CBLL1: variants seen among roughly 807,000 people sequenced by gnomAD.
The protein encoded by CBLL1 is Cbl proto-oncogene like 1, also known as E3 ubiquitin-protein ligase Hakai.
CBLL1 carries 4 observed loss-of-function variants against 44.9 expected under a neutral mutation model. The observed-to-expected ratio is 0.09, with a 90% CI of 0.04 to 0.20. CBLL1 has a LOEUF of 0.20. Ranked by LOEUF, CBLL1 falls within the 10% of genes least tolerant of loss-of-function variation. The probability of loss-of-function intolerance (pLI) is 1.00; values close to 1 mark genes in which losing one functional copy is unlikely to be tolerated. For missense variants in CBLL1, 569 were observed against 636.7 expected, an observed-to-expected ratio of 0.89 and a Z score of 1.14; for synonymous variants, 235 against 202.2, an observed-to-expected ratio of 1.16 and a Z score of -1.38.
In CBLL1 at chr7:107,761,130, C is replaced by T. The variant is rs2115751362; in HGVS notation, c.*1952C>T. The T allele has an allele frequency of 6.6e-6, 1 of 152,204 alleles. No homozygotes were observed. Among genetic ancestry groups the T allele is most frequent in the Non-Finnish European group, 1.5e-5 (1 of 67,852 alleles). 9.4% of individuals were successfully genotyped at this position (152,204 alleles called of 1,614,324 possible). ...TATTAAAATATTACTGTTAAAAATC[C>T]AAACCATTCTTTGTTCCATGTAATA... On this transcript the variant is annotated 3_prime_UTR_variant, in exon 6 of 6. Transcript: ENST00000440859.
rs776041592 is a variant in CBLL1, at chr7:107,761,584, A to G, written c.*2406A>G. The G allele has an allele frequency of 2.6e-5, 4 of 152,158 alleles. No homozygotes were observed. The highest frequency in any genetic ancestry group is 7.2e-5 in the African/African-American group (3 of 41,434). The allele number at this position is 152,158 out of a possible 1,614,324, so 9.4% of individuals were successfully genotyped here. A position where few individuals can be genotyped will look rare whatever the true frequency, so the allele number is the denominator to read the frequency against. ...ATGGACATAAGTCTAAATTAAATGTATGTATGTTTCATTATATTGCTCTTA... is the reference window on the plus strand; with the variant it reads ...ATGGACATAAGTCTAAATTAAATGTGTGTATGTTTCATTATATTGCTCTTA... On this transcript the variant is annotated 3_prime_UTR_variant, in exon 6 of 6. Transcript: ENST00000440859.
intron 1 of CBLL1, among the ~76,000 whole-genome samples, chr7:107,746,410 AT>A (rs66769467): frequency 0.44 from 66,619 of 151,832 alleles, 14,736 homozygotes; most frequent in East Asian, 0.62. Flanking sequence ...TACCTATTTT[AT>A]TTTTTTTAAA....
chr7:107,752,334 CTT>C (rs961286598), intron 2 of CBLL1, among the ~76,000 whole-genome samples: 2 of 151,954 alleles, frequency 1.3e-5, no homozygotes. Flanking sequence ...AGCATCCTGA[CTT>C]TGGATTATAC....
At chr7:107,752,612 C>T (rs1793355751) in intron 2 of CBLL1, 2 of 1,282,550 alleles carry the variant, frequency 1.6e-6, no homozygotes, top group South Asian at 1.2e-5. Flanking sequence ...CTCAGCTTTA[C>T]TTTAGGTAAT....
rs1315783944 is a variant in CBLL1 at position 107,758,763 on chromosome 7, C to G, written c.1061C>G (p.Pro354Arg). 1 of 1,613,718 alleles carries G rather than the reference C, an allele frequency of 6.2e-7. No homozygotes were observed. Among genetic ancestry groups the G allele is most frequent in the Admixed American group, 1.7e-5 (1 of 59,992 alleles). Residue 354 changes from proline (P) to arginine (R), a missense_variant, in exon 6 of 6, where the codon CCA (proline) becomes CGA (arginine). This residue lies in a region of CBLL1 where 228 missense variants were observed against 253.2 expected (regional missense o/e 0.90). Transcript: ENST00000440859. This position sits in a 1 kb window ranked among gnomAD's most constrained non-coding sequence, Gnocchi z 4.2. The part of the protein sequence containing the change: ...PPPPPPPISH[P>R]MPHPPQAAGT... ...CCTCCTCCACCACCAATAAGCCATC[C>G]AATGCCACATCCTCCCCAGGCTGCA...
rs2115601742 is a variant in CBLL1 at position 107,748,238 on chromosome 7, C to CT, written c.14-641dup. 1.3e-5 allele frequency among the ~76,000 whole-genome samples: 2 copies of CT among 152,222 alleles called. 1 individual carries two copies. Among genetic ancestry groups the CT allele is most frequent in the South Asian group, 4.2e-4 (2 of 4,814 alleles). On this transcript the variant is annotated intron_variant, in intron 1 of 5. Transcript: ENST00000440859. ...TTATAATTTTCCATTACAGTGCTGACTAAGAACTCAGTCACATGTTATAGC... is the reference window on the plus strand; with the variant it reads ...TTATAATTTTCCATTACAGTGCTGACTTAAGAACTCAGTCACATGTTATAGC...
intron 1 of CBLL1, 29 bp from the exon 2 acceptor site, chr7:107,748,851 G>T (rs781179281): frequency 1.3e-6 from 2 of 1,547,140 alleles, no homozygotes; most frequent in Non-Finnish European, 1.7e-6. Flanking sequence ...AAAACTAAAA[G>T]AAATTACAAC....
chr7:107,758,521 A>T lies in CBLL1; in HGVS notation c.819A>T (p.Pro273=), dbSNP rs2115721589. Residue 273 remains proline, a synonymous_variant, in exon 6 of 6, where the codon CCA becomes CCT. Transcript: ENST00000440859. This position sits in a 1 kb window ranked among gnomAD's most constrained non-coding sequence, Gnocchi z 4.2. ...CAGAATTGTCCATGGCTCCACCTCC[A>T]CCTCGATCGGTCAGTCAGGAAACCT... ...PPAELSMAPP[P]PRSVSQETFR... The T allele has an allele frequency of 6.2e-7, 1 of 1,613,962 alleles. No homozygotes were observed. The highest frequency in any genetic ancestry group is 8.5e-7 in the Non-Finnish European group (1 of 1,179,986).
In CBLL1 at chr7:107,744,195, T is replaced by G. The variant is rs916732193; in HGVS notation, c.13+19T>G. On this transcript the variant is annotated intron_variant, in intron 1 of 5. Transcript: ENST00000440859. ...CACACTGGTAAGGAGGCGGAGGCAG[T>G]GGGGGTCCCGGTTCCAAGCCCCCTT... 1.3e-6 allele frequency: 2 copies of G among 1,546,064 alleles called. No homozygotes were observed. Among genetic ancestry groups the G allele is most frequent in the Admixed American group, 4.0e-5 (2 of 49,964 alleles).
chr7:107,749,075 A>C (rs746016165), intron 2 of CBLL1, 28 bp downstream of exon 2: 3 of 1,605,684 alleles, frequency 1.9e-6, no homozygotes, highest in Non-Finnish European at 2.6e-6. Flanking sequence ...TAGGTCCAAC[A>C]CTCTTTCTGT....
At chr7:107,755,606 A>C (rs1335241322) in intron 5 of CBLL1, 115 bp downstream of exon 5, 7 of 509,724 alleles carry the variant, frequency 1.4e-5, no homozygotes, top group Non-Finnish European at 2.4e-5. Context: ...AAACATACAG[A>C]CATGGCTAAT....
chr7:107,745,556 A>G (rs992592410), intron 1 of CBLL1, among the ~76,000 whole-genome samples: 7 of 152,240 alleles, frequency 4.6e-5, no homozygotes, highest in African/African-American at 1.7e-4. Flanking sequence ...GCCATTGAAC[A>G]GAAGTGGAGG....
intron 5 of CBLL1, among the ~76,000 whole-genome samples, chr7:107,756,940 C>G (rs1793553132): frequency 6.6e-6 from 1 of 152,096 alleles, no homozygotes; most frequent in African/African-American, 2.4e-5. Context: ...TTAAGCACCA[C>G]CCAAGAGAAA....
intron 3 of CBLL1, 138 bp downstream of exon 3, chr7:107,753,649 T>C: frequency 1.7e-6 from 1 of 577,278 alleles, no homozygotes; most frequent in Middle Eastern, 4.7e-4. Context: ...CACATACAAA[T>C]CATTTGTTAA....
At chr7:107,754,015 T>A in intron 4 of CBLL1, 37 bp downstream of exon 4, 1 of 1,348,566 alleles carries the variant, frequency 7.4e-7, no homozygotes, top group Admixed American at 1.9e-5. Context: ...TAAGTAAGCA[T>A]TTGCATAGAG....
intron 2 of CBLL1, among the ~76,000 whole-genome samples, chr7:107,750,819 A>T (rs1035198766): frequency 6.6e-6 from 1 of 151,880 alleles, no homozygotes; most frequent in African/African-American, 2.4e-5. Context: ...AGTATTATCT[A>T]TGGGGGCTTT....
intron 2 of CBLL1, among the ~76,000 whole-genome samples, chr7:107,751,314 C>G (rs775498791): frequency 2.0e-5 from 3 of 152,190 alleles, no homozygotes; most frequent in Non-Finnish European, 4.4e-5. Flanking sequence ...GTAATGCTCC[C>G]TAGCCCTTCC....
intron 2 of CBLL1, 116 bp downstream of exon 2, chr7:107,749,163 A>C: frequency 1.2e-6 from 1 of 833,656 alleles, no homozygotes; most frequent in Non-Finnish European, 1.8e-6. Flanking sequence ...TCATTCTTCA[A>C]CCTTCTTGTT....
chr7:107,753,674 G>A (rs901243917), intron 3 of CBLL1, among the ~76,000 whole-genome samples, 163 bp downstream of exon 3: 4 of 152,076 alleles, frequency 2.6e-5, no homozygotes, highest in African/African-American at 4.8e-5. Flanking sequence ...CTATTTTCAA[G>A]AATAATTTGA....
Sources: gnomAD v4.1 joint callset for allele counts (sites outside exome capture counted in the v4.1 genomes callset) on GRCh38, gnomAD v4.1.1 for gene constraint, gnomAD v4.1.1 regional missense constraint, Gnocchi (gnomAD v3.1) non-coding constraint, MANE v1.5 for transcripts, NCBI Gene and HGNC (gene_info 2026-07-23, HGNC 2026-07-21) for gene names.